Variants in AVL9 observed in about 807,000 individuals in gnomAD.
AVL9 encodes the protein late secretory pathway protein AVL9 homolog.
A neutral mutation model predicts 79.2 loss-of-function variants in AVL9; 49 were observed. The observed-to-expected ratio is 0.62, with a 90% CI of 0.49 to 0.79. The LOEUF (loss-of-function observed/expected upper bound fraction) is 0.79. Among genes scored for constraint, AVL9 ranks in the 30% least tolerant of loss-of-function variants. The pLI is 0.00. For missense variants in AVL9, 682 were observed against 776.8 expected, an observed-to-expected ratio of 0.88 and a Z score of 1.45; for synonymous variants, 299 against 280.6, an observed-to-expected ratio of 1.07 and a Z score of -0.65.
intron 10 of AVL9, among the ~76,000 whole-genome samples, chr7:32,569,541 T>G (rs1156320074): frequency 1.3e-5 from 2 of 152,252 alleles, no homozygotes; most frequent in Non-Finnish European, 2.9e-5. Flanking sequence ...TTTGCATGAT[T>G]TTTAACATAG....
At chr7:32,550,650 G>C (rs1789770799) in intron 4 of AVL9, among the ~76,000 whole-genome samples, 1 of 152,004 alleles carries the variant, frequency 6.6e-6, no homozygotes, top group East Asian at 1.9e-4. Flanking sequence ...ATCTAGAAAA[G>C]AACATTACAA....
Position 32,544,736 on chromosome 7 carries a change from C to T in AVL9, c.257C>T (p.Ala86Val). ...FHLPPRNGNG[A>V]TVFGISCYRQ... ...TTGCCACCCAGAAATGGAAATGGAG[C>T]CACAGTATTTGGTATCTCTTGCTAT... Residue 86 changes from alanine (A) to valine (V), a missense_variant, in exon 3 of 16, where the codon GCC becomes GTC. Physicochemically the swap from Ala to Val is moderately conservative, Grantham distance 64. Coordinates refer to ENST00000318709, the MANE Select transcript of AVL9 (RefSeq NM_015060.3). 6.2e-7 allele frequency: 1 copy of T among 1,613,792 alleles called. No individual in the cohort carries two copies. Among genetic ancestry groups the T allele is most frequent in the Non-Finnish European group, 8.5e-7 (1 of 1,179,858 alleles).
intron 1 of AVL9, among the ~76,000 whole-genome samples, chr7:32,542,280 C>T (rs1164469382): frequency 6.7e-6 from 1 of 149,898 alleles, no homozygotes; most frequent in Non-Finnish European, 1.5e-5. Context: ...TGCCTCATGC[C>T]TGTAATCCCA....
intron 1 of AVL9, among the ~76,000 whole-genome samples, chr7:32,540,870 ACTTTTTTTTTTTTTTTTTTTTTTT>A: frequency 1.2e-5 from 1 of 85,234 alleles, no homozygotes; most frequent in African/African-American, 3.7e-5. Flanking sequence ...TTGTTGTACT[ACTTTTTTTTTTTTTTTTTTTTTTT>A]TTTTTTTTTT....
At chr7:32,515,364 C>T (rs938706958) in intron 1 of AVL9, among the ~76,000 whole-genome samples, 17 of 152,202 alleles carry the variant, frequency 1.1e-4, no homozygotes, top group African/African-American at 4.1e-4. Flanking sequence ...TCTTTATGGT[C>T]GAAACCAACA....
intron 4 of AVL9, among the ~76,000 whole-genome samples, chr7:32,550,003 A>G (rs1280104816): frequency 6.6e-6 from 1 of 151,980 alleles, no homozygotes; most frequent in African/African-American, 2.4e-5. Context: ...TCAATTATTC[A>G]TCTGATTCCT....
chr7:32,524,421 T>A (rs1403437661), intron 1 of AVL9, among the ~76,000 whole-genome samples: 1 of 151,884 alleles, frequency 6.6e-6, no homozygotes, highest in Admixed American at 6.6e-5. Flanking sequence ...AGGCTGAGAC[T>A]GGAGAATTGC....
chr7:32,516,945 A>G (rs1417863307), intron 1 of AVL9, among the ~76,000 whole-genome samples: 1 of 152,156 alleles, frequency 6.6e-6, no homozygotes, highest in Non-Finnish European at 1.5e-5. Flanking sequence ...CCAAAGGTCA[A>G]CCTGCAACTA....
Position 32,553,731 on chromosome 7 carries a change from G to T in AVL9, c.534G>T (p.Leu178=). 1 of 1,608,514 alleles carries T rather than the reference G, an allele frequency of 6.2e-7. No individual in the cohort carries two copies. Among genetic ancestry groups the T allele is most frequent in the Non-Finnish European group, 8.5e-7 (1 of 1,176,526 alleles). Residue 178 remains leucine, a synonymous_variant, in exon 7 of 16, where the codon CTG becomes CTT. Coordinates refer to ENST00000318709, the MANE Select transcript of AVL9 (RefSeq NM_015060.3). ...GCTTTTTTGTTAACATTGTAGGTCT[G>T]TCACCTCGAGATCTTGTCCTTCATT... ...SLEGSQVYLG[L]SPRDLVLHFR...
intron 1 of AVL9, among the ~76,000 whole-genome samples, chr7:32,512,591 T>C (rs923427446): frequency 1.3e-5 from 2 of 152,150 alleles, no homozygotes; most frequent in African/African-American, 4.8e-5. Context: ...AGAGCAGAAC[T>C]GTACTTTTCG....
rs779065645 is a variant in AVL9, at chr7:32,554,626, G to A, written c.609+30G>A. The stretch of plus-strand genomic sequence containing the variant: ...GATCCTAAGGGATGAAAGGAAAGAT[G>A]GAGTATTTAACTTTTATTCACTTTT... On this transcript the variant is annotated intron_variant, in intron 8 of 15. Coordinates refer to ENST00000318709, the MANE Select transcript of AVL9 (RefSeq NM_015060.3). 22 of 1,373,448 alleles carry A rather than the reference G, an allele frequency of 1.6e-5. No individual in the cohort carries two copies. The South Asian group carries it at 2.9e-4, about 18-fold the overall frequency. The allele number at this position is 1,373,448 out of a possible 1,614,324, so 85.1% of individuals were successfully genotyped here.
intron 12 of AVL9, among the ~76,000 whole-genome samples, chr7:32,574,677 C>T (rs1343567403): frequency 6.9e-6 from 1 of 145,022 alleles, no homozygotes; most frequent in Non-Finnish European, 1.5e-5. Context: ...AGGTAGGGAC[C>T]TTGTCATTGC....
At chr7:32,542,757 G>T (rs1470600666) in intron 1 of AVL9, among the ~76,000 whole-genome samples, 1 of 152,086 alleles carries the variant, frequency 6.6e-6, no homozygotes, top group African/African-American at 2.4e-5. Flanking sequence ...GGCTCAACTT[G>T]GGGCTCCTTT....
At chr7:32,531,226 A>G (rs1485244590) in intron 1 of AVL9, among the ~76,000 whole-genome samples, 1 of 152,146 alleles carries the variant, frequency 6.6e-6, no homozygotes, top group Non-Finnish European at 1.5e-5. Context: ...TAGAGCTTGC[A>G]TAGCAAGTGG....
chr7:32,543,003 C>A, intron 1 of AVL9, 138 bp from the exon 2 acceptor site: 3 of 1,057,120 alleles, frequency 2.8e-6, no homozygotes, highest in Non-Finnish European at 2.7e-6. Flanking sequence ...CATAGGTTTG[C>A]TGATGATATC....
intron 8 of AVL9, among the ~76,000 whole-genome samples, chr7:32,555,584 C>T (rs1020918483): frequency 6.6e-6 from 1 of 152,198 alleles, no homozygotes; most frequent in African/African-American, 2.4e-5. Context: ...CATTTATTTA[C>T]TTGCTGTTTA....
chr7:32,565,590 T>G (rs1790528369), intron 10 of AVL9, among the ~76,000 whole-genome samples: 1 of 149,640 alleles, frequency 6.7e-6, no homozygotes, highest in Non-Finnish European at 1.5e-5. Flanking sequence ...AGAAATTACC[T>G]CAATGCAATT....
At position 32,579,596 on chromosome 7, in the gene AVL9, T is replaced by TA. The variant is rs1562802634; in HGVS notation, c.1689-622dup. Among the ~76,000 whole-genome samples the TA allele has an allele frequency of 4.3e-3, 59 of 13,622 alleles. 15 individuals carry two copies. The highest frequency in any genetic ancestry group is 0.012 in the African/African-American group (58 of 5,034). 8.9% of individuals were successfully genotyped at this position (13,622 alleles called of 152,430 possible). A position where few individuals can be genotyped will look rare whatever the true frequency, so the allele number is the denominator to read the frequency against. On this transcript the variant is annotated intron_variant, in intron 13 of 15. Coordinates refer to ENST00000318709, the MANE Select transcript of AVL9 (RefSeq NM_015060.3). ...ATATTATATATTATATATTATATAT[T>TA]ATATATTATATTATATATTATATAT...
intron 10 of AVL9, among the ~76,000 whole-genome samples, chr7:32,564,484 G>A (rs553752943): frequency 6.6e-6 from 1 of 152,328 alleles, no homozygotes; most frequent in South Asian, 2.1e-4. Flanking sequence ...AATAGCCGGA[G>A]AGAAGCCTGG....
Sources: allele counts gnomAD v4.1 joint callset (sites outside exome capture counted in the v4.1 genomes callset), GRCh38; gene constraint gnomAD v4.1.1; transcripts MANE v1.5; gene names NCBI Gene and HGNC (gene_info 2026-07-23, HGNC 2026-07-21).